The following ATG10 variants were observed in gnomAD, a reference collection of about 807,000 sequenced individuals.
ATG10 encodes the protein ubiquitin-like-conjugating enzyme ATG10.
Under a neutral mutation model 32.1 loss-of-function variants are expected in ATG10, and 30 were observed. That is an observed-to-expected ratio of 0.94 (90% CI 0.70 to 1.27). The LOEUF (loss-of-function observed/expected upper bound fraction) is 1.27, where lower values mean the gene tolerates loss of function less well. Among genes scored for constraint, ATG10 ranks in the 50% most tolerant of loss-of-function variants. The pLI is 0.00. For synonymous variants in ATG10, 87 were observed against 91.5 expected, an observed-to-expected ratio of 0.95 and a Z score of 0.28; for missense variants, 233 against 262.3, an observed-to-expected ratio of 0.89 and a Z score of 0.77.
intron 3 of ATG10, among the ~76,000 whole-genome samples, chr5:82,090,409 C>T (rs953689621): frequency 6.6e-6 from 1 of 152,148 alleles, no homozygotes; most frequent in African/African-American, 2.4e-5. Flanking sequence ...CACATCTATT[C>T]CATTATTCTA....
chr5:81,978,064 G>A (rs1032910071), intron 1 of ATG10, among the ~76,000 whole-genome samples: 3 of 152,064 alleles, frequency 2.0e-5, no homozygotes, highest in African/African-American at 7.2e-5. Flanking sequence ...TGTAGCTTCT[G>A]ATATTGTGTT....
chr5:82,110,291 T>A (rs1164679144), intron 3 of ATG10, among the ~76,000 whole-genome samples: 1 of 152,152 alleles, frequency 6.6e-6, no homozygotes, highest in Non-Finnish European at 1.5e-5. Flanking sequence ...GCAGCATGAT[T>A]TATATTCCTT....
Position 82,118,387 on chromosome 5 carries a change from CAT to C in ATG10, c.217-45995_217-45994del, listed in dbSNP as rs71605823. ...TACAAATATACATATAATATATGTA[CAT>C]ATATATATATATATATGTATGTATA... is the stretch of plus-strand genomic sequence containing the variant. On this transcript the variant is annotated intron_variant, in intron 3 of 7. Coordinates refer to ENST00000282185, the MANE Select transcript of ATG10 (RefSeq NM_031482.5). Among the ~76,000 whole-genome samples the C allele has an allele frequency of 8.5e-4, 69 of 80,716 alleles. 6 individuals are homozygous for C. In the South Asian group the frequency reaches 0.012, roughly 13 times the overall value. The allele number at this position is 80,716 out of a possible 152,430, so 53.0% of individuals were successfully genotyped here.
chr5:82,130,174 A>G (rs1766463094), intron 3 of ATG10, among the ~76,000 whole-genome samples: 1 of 152,136 alleles, frequency 6.6e-6, no homozygotes, highest in African/African-American at 2.4e-5. Flanking sequence ...AAGCCTCAGT[A>G]ATGGCAGATG....
intron 2 of ATG10, among the ~76,000 whole-genome samples, chr5:82,039,172 C>A (rs2149725113): frequency 6.6e-6 from 1 of 152,258 alleles, no homozygotes; most frequent in Non-Finnish European, 1.5e-5. Context: ...GAAACAAACA[C>A]CCTTCAAGCT....
intron 3 of ATG10, among the ~76,000 whole-genome samples, chr5:82,160,934 G>A (rs1743304935): frequency 6.6e-6 from 1 of 152,100 alleles, no homozygotes; most frequent in Non-Finnish European, 1.5e-5. Flanking sequence ...TCTTCAGACT[G>A]AAATAGAAAA....
intron 5 of ATG10, among the ~76,000 whole-genome samples, chr5:82,236,741 C>A (rs1290161172): frequency 6.6e-6 from 1 of 152,186 alleles, no homozygotes; most frequent in African/African-American, 2.4e-5. Context: ...CCTTCCTAAA[C>A]ACCATTAGAC....
intron 5 of ATG10, among the ~76,000 whole-genome samples, chr5:82,247,732 T>C (rs1747090501): frequency 6.6e-6 from 1 of 152,200 alleles, no homozygotes; most frequent in Non-Finnish European, 1.5e-5. Context: ...AACTAGACAT[T>C]TTAGATAATA....
In ATG10 at chr5:82,164,688, A is replaced by G. The variant is rs1159822062; in HGVS notation, c.355+151A>G. On this transcript the variant is annotated intron_variant, in intron 4 of 7. Transcript: ENST00000282185. ...TAAGGTTTTACCACTAAATTTTCTC[A>G]TGCTTCAGAAAGGGTATCAAGACTT... The G allele has an allele frequency of 4.1e-5, 29 of 706,330 alleles. No homozygotes were observed. The Admixed American group carries it at 8.7e-4, about 21-fold the overall frequency. 43.8% of individuals were successfully genotyped at this position (706,330 alleles called of 1,614,324 possible).
chr5:82,227,906 A>G (rs1187664526), intron 5 of ATG10, among the ~76,000 whole-genome samples: 2 of 152,168 alleles, frequency 1.3e-5, no homozygotes, highest in African/African-American at 2.4e-5. Context: ...AGCATGTACT[A>G]TATAAAAAGT....
intron 5 of ATG10, among the ~76,000 whole-genome samples, chr5:82,200,062 G>C (rs1394059782): frequency 6.6e-6 from 1 of 152,134 alleles, no homozygotes; most frequent in African/African-American, 2.4e-5. Flanking sequence ...GCTGATTCCA[G>C]TTTTTGGTGA....
chr5:82,199,897 T>C (rs1744999803), intron 5 of ATG10, among the ~76,000 whole-genome samples: 1 of 152,210 alleles, frequency 6.6e-6, no homozygotes, highest in Admixed American at 6.5e-5. Context: ...TTTCTAGGCT[T>C]TTGAGTCTGG....
At chr5:81,982,322 C>T (rs2149657976) in intron 1 of ATG10, among the ~76,000 whole-genome samples, 1 of 152,218 alleles carries the variant, frequency 6.6e-6, no homozygotes, top group East Asian at 1.9e-4. Flanking sequence ...AAAATTCAGC[C>T]TGGTGTGGTG....
chr5:82,166,414 T>G lies in ATG10; in HGVS notation c.355+1877T>G, dbSNP rs904302304. Among the ~76,000 whole-genome samples, 8 of 152,326 alleles carry G rather than the reference T, an allele frequency of 5.3e-5. No homozygotes were observed. The South Asian group carries it at 1.7e-3, about 32-fold the overall frequency. ...TTTGGCCCAGAATTCATTTAGTGCT[T>G]GTTCAGGTACATTAAAATATCAAAT... On this transcript the variant is annotated intron_variant, in intron 4 of 7. Coordinates refer to ENST00000282185, the MANE Select transcript of ATG10 (RefSeq NM_031482.5).
intron 1 of ATG10, among the ~76,000 whole-genome samples, chr5:81,974,915 C>T (rs1760825579): frequency 6.6e-6 from 1 of 152,146 alleles, no homozygotes; most frequent in Non-Finnish European, 1.5e-5. Flanking sequence ...CTGCCACTGC[C>T]CCATCCCTTC....
chr5:82,183,072 A>G (rs1438546557), intron 5 of ATG10, among the ~76,000 whole-genome samples: 1 of 152,106 alleles, frequency 6.6e-6, no homozygotes, highest in South Asian at 2.1e-4. Flanking sequence ...ACAACTAAAC[A>G]TGAATCTACA....
chr5:82,180,512 A>G (rs2149927035), intron 5 of ATG10, among the ~76,000 whole-genome samples: 1 of 152,264 alleles, frequency 6.6e-6, no homozygotes, highest in African/African-American at 2.4e-5. Flanking sequence ...TATTTTATAC[A>G]AACTATTTTG....
intron 2 of ATG10, among the ~76,000 whole-genome samples, chr5:82,040,370 T>A (rs1763048958): frequency 6.6e-6 from 1 of 152,126 alleles, no homozygotes; most frequent in Non-Finnish European, 1.5e-5. Context: ...ACCAGAATGA[T>A]AAAAACCAGT....
chr5:82,127,261 GT>G (rs1725651659), intron 3 of ATG10, among the ~76,000 whole-genome samples: 2 of 152,078 alleles, frequency 1.3e-5, no homozygotes, highest in South Asian at 4.1e-4. Context: ...TTTTTGAAGG[GT>G]TTTTCATGTC....
Sources: allele counts gnomAD v4.1 joint callset (sites outside exome capture counted in the v4.1 genomes callset), GRCh38; gene constraint gnomAD v4.1.1; transcripts MANE v1.5; gene names NCBI Gene and HGNC (gene_info 2026-07-23, HGNC 2026-07-21).